A1CF: variants seen among roughly 807,000 people sequenced by gnomAD.
The protein encoded by A1CF is APOBEC1 complementation factor, also known as APOBEC-1 stimulating protein.
A1CF carries 48 observed loss-of-function variants against 68.9 expected under a neutral mutation model. That is an observed-to-expected ratio of 0.70 (90% CI 0.55 to 0.89). A1CF has a LOEUF of 0.89. Among genes scored for constraint, A1CF ranks in the 40% least tolerant of loss-of-function variants. The probability of loss-of-function intolerance (pLI) is 0.00; values close to 1 mark genes in which losing one functional copy is unlikely to be tolerated. For missense variants in A1CF, 653 were observed against 718.9 expected, an observed-to-expected ratio of 0.91 and a Z score of 1.05; for synonymous variants, 272 against 260.4, an observed-to-expected ratio of 1.04 and a Z score of -0.43.
chr10:50,885,408 A>T (rs554356658), intron 1 of A1CF, among the ~76,000 whole-genome samples, 173 bp downstream of exon 1: 108 of 152,278 alleles, frequency 7.1e-4, no homozygotes, highest in Non-Finnish European at 1.2e-3. Context: ...TAATTCCAAT[A>T]TATTCTTTTG....
chr10:50,834,762 G>T (rs1203610540), intron 6 of A1CF, among the ~76,000 whole-genome samples: 1 of 152,168 alleles, frequency 6.6e-6, no homozygotes, highest in Non-Finnish European at 1.5e-5. Context: ...GGATGGAGAA[G>T]TCGGAGGGTG....
chr10:50,865,296 T>TTAC (rs34019432), intron 1 of A1CF, among the ~76,000 whole-genome samples: 18,377 of 151,134 alleles, frequency 0.12, 1,396 homozygotes, highest in Non-Finnish European at 0.17. Flanking sequence ...GCTGCTGCTA[T>TTAC]TACTACTACT....
intron 3 of A1CF, among the ~76,000 whole-genome samples, chr10:50,844,540 T>A (rs1332847784): frequency 6.6e-6 from 1 of 152,134 alleles, no homozygotes. Context: ...TACAACTACA[T>A]ATTAATAATA....
chr10:50,860,795 A>G (rs1215719206), intron 2 of A1CF, among the ~76,000 whole-genome samples: 1 of 152,192 alleles, frequency 6.6e-6, no homozygotes, highest in East Asian at 1.9e-4. Context: ...CACATCCACA[A>G]GTTCCCAGAA....
chr10:50,853,823 TAAA>T (rs71457594), intron 3 of A1CF, among the ~76,000 whole-genome samples: 1 of 148,096 alleles, frequency 6.8e-6, no homozygotes, highest in African/African-American at 2.5e-5. Flanking sequence ...GCTTAAAATG[TAAA>T]AAAAAAATCA....
chr10:50,880,496 T>C (rs890105469), intron 1 of A1CF, among the ~76,000 whole-genome samples: 7 of 152,188 alleles, frequency 4.6e-5, no homozygotes, highest in Admixed American at 6.5e-5. Context: ...AGTACATGAA[T>C]GGCGAGGAAC....
chr10:50,826,118 T>C (rs370148641), intron 7 of A1CF, among the ~76,000 whole-genome samples: 30 of 152,186 alleles, frequency 2.0e-4, no homozygotes, highest in African/African-American at 7.2e-4. Context: ...TAAATATTTA[T>C]TGAGCAATCA....
At chr10:50,832,056 A>C (rs908711566) in intron 6 of A1CF, among the ~76,000 whole-genome samples, 4 of 152,204 alleles carry the variant, frequency 2.6e-5, no homozygotes, top group Admixed American at 2.0e-4. Flanking sequence ...CGCAATCACC[A>C]TACTGGGTAT....
intron 7 of A1CF, chr10:50,824,283 A>T (rs1838815345): frequency 6.6e-6 from 1 of 152,158 alleles, no homozygotes. Context: ...ATATGCCAAT[A>T]CGCAGACTGG....
chr10:50,831,701 C>A lies in A1CF; in HGVS notation c.605-3406G>T, dbSNP rs1269086359. 2.0e-5 allele frequency among the ~76,000 whole-genome samples: 3 copies of A among 152,136 alleles called. No individual in the cohort carries two copies. In the East Asian group the frequency reaches 5.8e-4, roughly 29 times the overall value. ...CAAGATCATGCCATTGCACTCTAGC[C>A]TGGGCAATAAGAGTGAAACTCCGTC... On this transcript the variant is annotated intron_variant, in intron 6 of 12. Coordinates refer to ENST00000373997, the MANE Select transcript of A1CF (RefSeq NM_014576.4).
At chr10:50,878,098 G>A (rs191830012) in intron 1 of A1CF, among the ~76,000 whole-genome samples, 150 of 152,180 alleles carry the variant, frequency 9.9e-4, no homozygotes, top group African/African-American at 3.5e-3. Context: ...CTCCAGCCTG[G>A]GTGACAGAGT....
chr10:50,806,749 C>G lies in A1CF; in HGVS notation c.1741G>C (p.Asp581His). Residue 581 changes from aspartate (D) to histidine (H), a missense_variant, in exon 13 of 13, where the codon GAT becomes CAT. Asp to His is a moderately conservative substitution (Grantham distance 81). Coordinates refer to ENST00000373997, the MANE Select transcript of A1CF (RefSeq NM_014576.4). ...YPTFAVTARG[D>H]GYGTF Reference sequence around the variant, plus strand: ...CATCTTCAGAAGGTGCCATATCCATCCCCTCGGGCAGTCACTGCAAAAGTT... The same window carrying G: ...CATCTTCAGAAGGTGCCATATCCATGCCCTCGGGCAGTCACTGCAAAAGTT... 1 of 1,604,908 alleles carries G rather than the reference C, an allele frequency of 6.2e-7. No individual in the cohort carries two copies. Among genetic ancestry groups the G allele is most frequent in the Admixed American group, 1.7e-5 (1 of 58,304 alleles).
intron 1 of A1CF, among the ~76,000 whole-genome samples, chr10:50,865,301 AC>A (rs1840936800): frequency 6.6e-6 from 1 of 151,736 alleles, no homozygotes; most frequent in African/African-American, 2.4e-5. Context: ...TGCTATTACT[AC>A]TACTACTACT....
intron 7 of A1CF, among the ~76,000 whole-genome samples, chr10:50,821,582 C>T (rs192060881): frequency 6.6e-6 from 1 of 151,512 alleles, no homozygotes; most frequent in Non-Finnish European, 1.5e-5. Context: ...GTTGCCCAGG[C>T]TAGAGTGCAA....
chr10:50,825,619 ATT>A lies in A1CF; in HGVS notation c.769+2510_769+2511del, dbSNP rs1468342557. Among the ~76,000 whole-genome samples the A allele has an allele frequency of 2.0e-5, 3 of 152,296 alleles. No homozygotes were observed. The East Asian group carries it at 5.8e-4, about 29-fold the overall frequency. Reference sequence around the variant, plus strand: ...GTTTTTGGGAAATGGTAATTTGGATATTGTTTCCTGAAATGCTCTACCTCTCT... The same window carrying A: ...GTTTTTGGGAAATGGTAATTTGGATAGTTTCCTGAAATGCTCTACCTCTCT... On this transcript the variant is annotated intron_variant, in intron 7 of 12. Transcript: ENST00000373997.
At chr10:50,836,047 C>A in intron 6 of A1CF, 27 bp downstream of exon 6, 2 of 1,555,364 alleles carry the variant, frequency 1.3e-6, no homozygotes, top group South Asian at 1.2e-5. Flanking sequence ...GCAGAGAAGT[C>A]TCATCTTTGA....
At chr10:50,871,385 C>A (rs536335316) in intron 1 of A1CF, among the ~76,000 whole-genome samples, 1 of 151,604 alleles carries the variant, frequency 6.6e-6, no homozygotes, top group Non-Finnish European at 1.5e-5. Context: ...ATCTAAAGGC[C>A]TTAGTAAATG....
chr10:50,821,406 C>T (rs1395598066), intron 7 of A1CF, among the ~76,000 whole-genome samples: 1 of 152,152 alleles, frequency 6.6e-6, no homozygotes, highest in Non-Finnish European at 1.5e-5. Context: ...AATTACACTA[C>T]TGTTGAAAGA....
chr10:50,836,165 G>A lies in A1CF; in HGVS notation c.513C>T (p.Ser171=), dbSNP rs761500558. 13 of 1,613,852 alleles carry A rather than the reference G, an allele frequency of 8.1e-6. No individual in the cohort carries two copies. Among genetic ancestry groups the A allele is most frequent in the South Asian group, 2.2e-5 (2 of 91,082 alleles). ...EGVVDVIVYP[S]AADKTKNRGF... ...CTCGGTTTTTGGTTTTATCTGCAGC[G>A]CTTGGGTAGACGATGACATCGACAA... The change falls in exon 6 of 13, where the codon AGC becomes AGT. Residue 171 remains serine (S), a synonymous_variant. Transcript: ENST00000373997.
Sources: allele counts gnomAD v4.1 joint callset (sites outside exome capture counted in the v4.1 genomes callset), GRCh38; gene constraint gnomAD v4.1.1; transcripts MANE v1.5; gene names NCBI Gene and HGNC (gene_info 2026-07-23, HGNC 2026-07-21).